SHC3: variants seen among roughly 807,000 people sequenced by gnomAD.
SHC3 encodes the protein SHC adaptor protein 3, also known as SHC-transforming protein 3.
SHC3 carries 15 observed loss-of-function variants against 60.4 expected under a neutral mutation model. The ratio of observed to expected loss-of-function variants is 0.25; its 90% CI spans 0.17 to 0.38. SHC3 has a LOEUF of 0.38. SHC3 is among the 10% of genes least tolerant of loss of function. The pLI is 1.00. For missense variants in SHC3, 677 were observed against 786.1 expected (o/e 0.86, Z 1.66); for synonymous variants, 294 against 325.9 (o/e 0.90, Z 1.05).
chr9:89,176,627 AT>A (rs774438066), intron 1 of SHC3, among the ~76,000 whole-genome samples: 4 of 152,210 alleles, frequency 2.6e-5, no homozygotes, highest in Non-Finnish European at 5.9e-5. Flanking sequence ...TATAATTTAA[AT>A]AAGCAAAACA....
intron 1 of SHC3, among the ~76,000 whole-genome samples, chr9:89,157,965 T>C (rs1369585875): frequency 6.6e-6 from 1 of 152,018 alleles, no homozygotes; most frequent in African/African-American, 2.4e-5. Context: ...AAAAATCTGA[T>C]TGTGCGTTCA....
intron 1 of SHC3, among the ~76,000 whole-genome samples, chr9:89,168,400 G>T (rs373326344): frequency 6.6e-5 from 10 of 151,974 alleles, no homozygotes; most frequent in African/African-American, 2.4e-4. Context: ...GGAGGCAGAG[G>T]TTGCTGTGAG....
rs1826202607 is a variant in SHC3, at chr9:89,021,653, G to A, written c.1657-8078C>T. ...ACCTGCCTTGGGCCATCCCAGGTGAGGCTCCTCTGTCCTGCACCAGGTGGA... is the reference window on the plus strand; with the variant it reads ...ACCTGCCTTGGGCCATCCCAGGTGAAGCTCCTCTGTCCTGCACCAGGTGGA... On this transcript the variant is annotated intron_variant, in intron 11 of 11. Coordinates refer to ENST00000375835, the MANE Select transcript of SHC3 (RefSeq NM_016848.6). Among the ~76,000 whole-genome samples the A allele has an allele frequency of 2.0e-5, 3 of 152,338 alleles. No individual in the cohort carries two copies. The South Asian group carries it at 6.2e-4, about 32-fold the overall frequency.
chr9:89,048,797 G>C (rs1315302913), intron 7 of SHC3, among the ~76,000 whole-genome samples: 1 of 152,186 alleles, frequency 6.6e-6, no homozygotes, highest in Non-Finnish European at 1.5e-5. Context: ...CCCTGCTGGA[G>C]GAGCGGAGCT....
intron 1 of SHC3, among the ~76,000 whole-genome samples, chr9:89,171,070 A>G (rs977633979): frequency 6.6e-5 from 10 of 152,172 alleles, no homozygotes; most frequent in African/African-American, 2.4e-4. Flanking sequence ...TTCCAGGCAA[A>G]GAACACTCAA....
At position 89,011,169 on chromosome 9, in the gene SHC3, A is replaced by G. The variant is rs1346717763; in HGVS notation, c.*2278T>C. On this transcript the variant is annotated 3_prime_UTR_variant, in exon 12 of 12. Coordinates refer to ENST00000375835, the MANE Select transcript of SHC3 (RefSeq NM_016848.6). ...AATGTATATTTTGAATTAATATTAA[A>G]AAGAAAAAATTCGACTCCAATACTT... 3.3e-5 allele frequency: 5 copies of G among 152,248 alleles called. No homozygotes were observed. Among genetic ancestry groups the G allele is most frequent in the African/African-American group, 1.2e-4 (5 of 41,474 alleles). 9.4% of individuals were successfully genotyped at this position (152,248 alleles called of 1,614,324 possible).
chr9:89,022,760 C>T (rs983469960), intron 11 of SHC3, among the ~76,000 whole-genome samples: 3 of 152,048 alleles, frequency 2.0e-5, no homozygotes, highest in African/African-American at 7.2e-5. Context: ...CCCTAGTGCC[C>T]GTCTTTAAAA....
In SHC3 at chr9:89,154,396, C is replaced by T. The variant is rs143374147; in HGVS notation, c.474+23591G>A. On this transcript the variant is annotated intron_variant, in intron 1 of 11. Coordinates refer to ENST00000375835, the MANE Select transcript of SHC3 (RefSeq NM_016848.6). ...GTTAAGGGTGAAGCCAACTCTGAGC[C>T]GGAATGCATGTCAGTGCAGCCCAGC... is the stretch of plus-strand genomic sequence containing the variant. 1.8e-3 allele frequency among the ~76,000 whole-genome samples: 280 copies of T among 152,230 alleles called. 1 individual carries two copies. The highest frequency in any genetic ancestry group is 2.3e-3 in the Non-Finnish European group (157 of 68,010).
At chr9:89,090,047 T>C (rs1825597724) in intron 2 of SHC3, among the ~76,000 whole-genome samples, 1 of 152,228 alleles carries the variant, frequency 6.6e-6, no homozygotes, top group African/African-American at 2.4e-5. Flanking sequence ...AGCGCCAGCA[T>C]GGATAAATCA....
intron 1 of SHC3, among the ~76,000 whole-genome samples, chr9:89,176,550 C>T (rs1341188975): frequency 6.6e-6 from 1 of 152,220 alleles, no homozygotes; most frequent in Non-Finnish European, 1.5e-5. Flanking sequence ...GAAGTAAACA[C>T]AACCTCAAAG....
At chr9:89,154,757 T>C (rs912788054) in intron 1 of SHC3, among the ~76,000 whole-genome samples, 1 of 152,200 alleles carries the variant, frequency 6.6e-6, no homozygotes, top group African/African-American at 2.4e-5. Flanking sequence ...ACAAGGAAGC[T>C]GAGTCAGAGA....
In SHC3 at chr9:89,149,117, T is replaced by C. The variant is rs536088222; in HGVS notation, c.474+28870A>G. ...TGGACAAGTGGCATCGCTGTGTGCA[T>C]AATCAAAGCAAGTTAGACATGCTGC... On this transcript the variant is annotated intron_variant, in intron 1 of 11. Coordinates refer to ENST00000375835, the MANE Select transcript of SHC3 (RefSeq NM_016848.6). Among the ~76,000 whole-genome samples the C allele has an allele frequency of 3.9e-5, 6 of 152,330 alleles. No homozygotes were observed. In the South Asian group the frequency reaches 1.2e-3, roughly 32 times the overall value.
intron 1 of SHC3, among the ~76,000 whole-genome samples, chr9:89,132,399 GA>G (rs1159070147): frequency 6.6e-6 from 1 of 152,070 alleles, no homozygotes; most frequent in Non-Finnish European, 1.5e-5. Flanking sequence ...CACAGAATTG[GA>G]AAAAACTACT....
At chr9:89,164,861 A>G (rs1014413290) in intron 1 of SHC3, among the ~76,000 whole-genome samples, 15 of 152,238 alleles carry the variant, frequency 9.9e-5, no homozygotes, top group African/African-American at 3.6e-4. Flanking sequence ...CAGGAGCAAC[A>G]AAGTAGCCTT....
At chr9:89,058,406 GAGGATGTGGTAT>G (rs1209324346) in intron 6 of SHC3, among the ~76,000 whole-genome samples, 4 of 150,034 alleles carry the variant, frequency 2.7e-5, no homozygotes, top group African/African-American at 7.4e-5. Context: ...GACAGTGGTG[GAGGATGTGGTAT>G]AGGATGTGGT....
intron 2 of SHC3, 50 bp downstream of exon 2, chr9:89,112,506 T>G (rs1825963565): frequency 6.3e-7 from 1 of 1,584,394 alleles, no homozygotes; most frequent in African/African-American, 1.4e-5. Context: ...ATCTCTGAGA[T>G]CCTTCCTTCA....
intron 1 of SHC3, among the ~76,000 whole-genome samples, chr9:89,146,993 A>G (rs148122552): frequency 1.3e-5 from 2 of 152,346 alleles, no homozygotes; most frequent in Non-Finnish European, 2.9e-5. Context: ...ATGTATAAAA[A>G]TATTCATAGC....
At chr9:89,037,883 G>C in intron 11 of SHC3, 110 bp downstream of exon 11, 1 of 1,366,672 alleles carries the variant, frequency 7.3e-7, no homozygotes. Flanking sequence ...GACTCAGTAG[G>C]CACTTGTGGA....
At chr9:89,066,412 G>A (rs1377188794) in intron 5 of SHC3, among the ~76,000 whole-genome samples, 1 of 152,138 alleles carries the variant, frequency 6.6e-6, no homozygotes, top group Non-Finnish European at 1.5e-5. Context: ...AAAAATATGA[G>A]CTCTATTGAG....
Sources: allele counts gnomAD v4.1 joint callset (sites outside exome capture counted in the v4.1 genomes callset), GRCh38; gene constraint gnomAD v4.1.1; transcripts MANE v1.5; gene names NCBI Gene and HGNC (gene_info 2026-07-23, HGNC 2026-07-21).